The following SGCZ variants were observed in gnomAD, a reference collection of about 807,000 sequenced individuals.
The protein encoded by SGCZ is sarcoglycan zeta.
Under a neutral mutation model 41.3 loss-of-function variants are expected in SGCZ, and 40 were observed. That is an observed-to-expected ratio of 0.97 (90% confidence interval 0.75 to 1.26). The LOEUF (loss-of-function observed/expected upper bound fraction) is 1.26, where lower values mean the gene tolerates loss of function less well. Among genes scored for constraint, SGCZ ranks in the 50% most tolerant of loss-of-function variants. The pLI, the probability that SGCZ is intolerant of heterozygous loss-of-function variation, is 0.00. For missense variants in SGCZ, 552 were observed against 369.8 expected (o/e 1.49, Z -4.04); for synonymous variants, 206 against 137.5 (o/e 1.50, Z -3.49).
At chr8:14,273,712 C>A (rs1800132535) in intron 3 of SGCZ, among the ~76,000 whole-genome samples, 1 of 152,048 alleles carries the variant, frequency 6.6e-6, no homozygotes, top group Non-Finnish European at 1.5e-5. Context: ...CTTTCAATAT[C>A]CAACCTTAAC....
At chr8:14,741,494 A>G (rs1799196742) in intron 1 of SGCZ, among the ~76,000 whole-genome samples, 1 of 152,052 alleles carries the variant, frequency 6.6e-6, no homozygotes, top group South Asian at 2.1e-4. Context: ...AAGTAGTTTT[A>G]AGCATTTTAG....
chr8:14,101,927 C>G (rs1470560553), intron 7 of SGCZ, among the ~76,000 whole-genome samples: 1 of 151,776 alleles, frequency 6.6e-6, no homozygotes, highest in Non-Finnish European at 1.5e-5. Flanking sequence ...GAGTCTCGCT[C>G]TGTCGCCCCA....
At chr8:14,226,556 T>C (rs1172175560) in intron 4 of SGCZ, among the ~76,000 whole-genome samples, 1 of 152,164 alleles carries the variant, frequency 6.6e-6, no homozygotes, top group Non-Finnish European at 1.5e-5. Flanking sequence ...AATTGTTGAA[T>C]ACCATTCCAC....
intron 1 of SGCZ, among the ~76,000 whole-genome samples, chr8:14,612,964 G>T (rs1805977867): frequency 6.6e-6 from 1 of 152,168 alleles, no homozygotes; most frequent in South Asian, 2.1e-4. Flanking sequence ...GGGATTACAG[G>T]CGTGAGCCAC....
intron 4 of SGCZ, among the ~76,000 whole-genome samples, chr8:14,192,805 A>G (rs1330644394): frequency 1.3e-5 from 2 of 152,048 alleles, no homozygotes; most frequent in South Asian, 2.1e-4. Context: ...TACAATTTTC[A>G]TTTGCAAAAT....
intron 1 of SGCZ, among the ~76,000 whole-genome samples, chr8:14,870,856 C>T (rs1199316129): frequency 6.6e-6 from 1 of 152,064 alleles, no homozygotes; most frequent in Non-Finnish European, 1.5e-5. Context: ...TAGAGAAATT[C>T]AAATCAAAAC....
At chr8:14,489,434 G>C (rs890902385) in intron 2 of SGCZ, among the ~76,000 whole-genome samples, 8 of 152,044 alleles carry the variant, frequency 5.3e-5, no homozygotes, top group African/African-American at 1.9e-4. Flanking sequence ...CAAATAGATT[G>C]ACTTTTTTGC....
At chr8:15,221,750 A>C (rs916242666) in intron 1 of SGCZ, among the ~76,000 whole-genome samples, 11 of 152,186 alleles carry the variant, frequency 7.2e-5, no homozygotes, top group African/African-American at 2.7e-4. Context: ...TTTTTTAAAC[A>C]AAATTTAACT....
intron 2 of SGCZ, among the ~76,000 whole-genome samples, chr8:14,470,261 T>A (rs988684049): frequency 6.6e-6 from 1 of 152,182 alleles, no homozygotes; most frequent in African/African-American, 2.4e-5. Context: ...ATGCTGAGTT[T>A]TGTTTTTTCT....
At chr8:14,126,038 C>T (rs79552506) in intron 5 of SGCZ, among the ~76,000 whole-genome samples, 14,971 of 152,162 alleles carry the variant, frequency 0.098, 1,500 homozygotes, top group East Asian at 0.5. Flanking sequence ...AGAAGAAAGG[C>T]TAGGCAATAA....
At position 15,102,808 on chromosome 8, in the gene SGCZ, C is replaced by A. The variant is rs1012867936; in HGVS notation, c.39+134777G>T. Among the ~76,000 whole-genome samples the A allele has an allele frequency of 2.0e-4, 31 of 152,142 alleles. 1 individual carries two copies. Among genetic ancestry groups the A allele is most frequent in the African/African-American group, 7.5e-4 (31 of 41,526 alleles). ...TATTTATATAGAATCTCTACTTTTT[C>A]TCAAGTCTTACATTTCTAATGAATC... On this transcript the variant is annotated intron_variant, in intron 1 of 7. Coordinates refer to ENST00000382080, the MANE Select transcript of SGCZ (RefSeq NM_139167.4).
At chr8:14,548,005 G>A (rs1803683866) in intron 2 of SGCZ, among the ~76,000 whole-genome samples, 1 of 152,158 alleles carries the variant, frequency 6.6e-6, no homozygotes, top group East Asian at 1.9e-4. Flanking sequence ...CCTTTGTGAA[G>A]ATGGAAGGGC....
At chr8:14,208,365 T>C (rs1381065715) in intron 4 of SGCZ, among the ~76,000 whole-genome samples, 3 of 152,206 alleles carry the variant, frequency 2.0e-5, no homozygotes, top group African/African-American at 4.8e-5. Flanking sequence ...ATTCACAAGG[T>C]AGTAATTTTG....
intron 4 of SGCZ, among the ~76,000 whole-genome samples, chr8:14,201,294 T>C (rs938531267): frequency 4.6e-5 from 7 of 152,122 alleles, no homozygotes; most frequent in African/African-American, 1.7e-4. Flanking sequence ...AAATGAAAAC[T>C]AATGTTCACA....
intron 1 of SGCZ, among the ~76,000 whole-genome samples, chr8:14,619,968 G>C (rs1362291980): frequency 6.6e-6 from 1 of 152,114 alleles, no homozygotes; most frequent in African/African-American, 2.4e-5. Flanking sequence ...CCAAAAAAGG[G>C]CCCGCATTGC....
chr8:15,203,381 A>C (rs6990575), intron 1 of SGCZ, among the ~76,000 whole-genome samples: 132,143 of 152,120 alleles, frequency 0.87, 57,548 homozygotes, highest in Non-Finnish European at 0.9. Flanking sequence ...AATGTCAGGC[A>C]TTGAGTGTAC....
intron 5 of SGCZ, among the ~76,000 whole-genome samples, chr8:14,142,336 A>C (rs1360699996): frequency 6.6e-6 from 1 of 152,170 alleles, no homozygotes; most frequent in Non-Finnish European, 1.5e-5. Context: ...AAAAAAAAGA[A>C]ATATGAAAAC....
rs543168312 is a variant in SGCZ, at chr8:15,184,566, T to A, written c.39+53019A>T. 1.6e-3 allele frequency among the ~76,000 whole-genome samples: 236 copies of A among 151,938 alleles called. 1 individual carries two copies. The highest frequency in any genetic ancestry group is 5.5e-3 in the African/African-American group (227 of 41,460). On this transcript the variant is annotated intron_variant, in intron 1 of 7. Coordinates refer to ENST00000382080, the MANE Select transcript of SGCZ (RefSeq NM_139167.4). ...GGGAGACTGGTCCCGAAGGATTTCATCACCCTAGATCTCTTGCACTCTGGC... is the reference window on the plus strand; with the variant it reads ...GGGAGACTGGTCCCGAAGGATTTCAACACCCTAGATCTCTTGCACTCTGGC...
intron 7 of SGCZ, among the ~76,000 whole-genome samples, chr8:14,101,124 GA>G (rs554436410): frequency 6.7e-6 from 1 of 149,348 alleles, no homozygotes; most frequent in Non-Finnish European, 1.5e-5. Flanking sequence ...GTCCAGGTTT[GA>G]AAAAAAAAGA....
Sources: allele counts gnomAD v4.1 joint callset (sites outside exome capture counted in the v4.1 genomes callset), GRCh38; gene constraint gnomAD v4.1.1; transcripts MANE v1.5; gene names NCBI Gene and HGNC (gene_info 2026-07-23, HGNC 2026-07-21).